The following CACNA1B variants were observed in gnomAD, a reference collection of about 807,000 sequenced individuals.
The protein encoded by CACNA1B is calcium voltage-gated channel subunit alpha1 B.
CACNA1B carries 70 observed loss-of-function variants against 247.2 expected under a neutral mutation model. The observed-to-expected ratio is 0.28, with a 90% CI of 0.23 to 0.35. The LOEUF (loss-of-function observed/expected upper bound fraction) is 0.35. Ranked by LOEUF, CACNA1B falls within the 10% of genes least tolerant of loss-of-function variation. The pLI is 1.00. For missense variants in CACNA1B, 2,367 were observed against 3,197.4 expected, an observed-to-expected ratio of 0.74 and a Z score of 6.26; for synonymous variants, 1,231 against 1,294.4, an observed-to-expected ratio of 0.95 and a Z score of 1.05.
intron 12 of CACNA1B, among the ~76,000 whole-genome samples, chr9:137,979,942 G>A (rs546672559): frequency 6.6e-6 from 1 of 152,338 alleles, no homozygotes; most frequent in African/African-American, 2.4e-5. Flanking sequence ...GGTCCATAGG[G>A]ATTCTGAAAT....
rs762768596 is a variant in CACNA1B at position 138,014,478 on chromosome 9, C to A, written c.2267+1243C>A. Among the ~76,000 whole-genome samples the A allele has an allele frequency of 5.9e-5, 9 of 152,088 alleles. No individual in the cohort carries two copies. The highest frequency in any genetic ancestry group is 1.2e-4 in the Non-Finnish European group (8 of 68,022). ...AACTTGGCAGCTGTGGACACGGTGGCCATCACGCAGAAGACTGCTGGGGGC... is the reference window on the plus strand; with the variant it reads ...AACTTGGCAGCTGTGGACACGGTGGACATCACGCAGAAGACTGCTGGGGGC... On this transcript the variant is annotated intron_variant, in intron 18 of 46. Coordinates refer to ENST00000371372, the MANE Select transcript of CACNA1B (RefSeq NM_000718.4). The surrounding 1 kb of genome is among the most constrained non-coding windows in gnomAD (Gnocchi z 6.2).
rs193262379 is a variant in CACNA1B, at chr9:138,057,386, C to T, written c.3969-346C>T. On this transcript the variant is annotated intron_variant, in intron 26 of 46. Coordinates refer to ENST00000371372, the MANE Select transcript of CACNA1B (RefSeq NM_000718.4). The surrounding 1 kb of genome is among the most constrained non-coding windows in gnomAD (Gnocchi z 4.0). Reference sequence around the variant, plus strand: ...GAGCACAGAAGTGTCCGATTTGATGCGGCCTGATTTATCTGTATTTTTTAT... The same window carrying T: ...GAGCACAGAAGTGTCCGATTTGATGTGGCCTGATTTATCTGTATTTTTTAT... Among the ~76,000 whole-genome samples the T allele has an allele frequency of 3.9e-5, 6 of 152,224 alleles. No individual in the cohort carries two copies. The highest frequency in any genetic ancestry group is 1.3e-4 in the Admixed American group (2 of 15,282).
rs1300304962 is a variant in CACNA1B at position 137,891,528 on chromosome 9, T to C, written c.530+8645T>C. Reference sequence around the variant, plus strand: ...ACAGGGGACCTGCATTCTGTGCAGATGCACCCACAGAGGTCACAGGGGTTC... The same window carrying C: ...ACAGGGGACCTGCATTCTGTGCAGACGCACCCACAGAGGTCACAGGGGTTC... On this transcript the variant is annotated intron_variant, in intron 3 of 46. Transcript: ENST00000371372. The surrounding 1 kb of genome is among the most constrained non-coding windows in gnomAD (Gnocchi z 4.3). 1 of 169,766 alleles carries C rather than the reference T, an allele frequency of 5.9e-6. No individual in the cohort carries two copies. Among genetic ancestry groups the C allele is most frequent in the Non-Finnish European group, 1.2e-5 (1 of 80,218 alleles). 10.5% of individuals were successfully genotyped at this position (169,766 alleles called of 1,614,324 possible).
intron 37 of CACNA1B, chr9:138,101,232 C>A (rs1216518822): frequency 3.9e-6 from 2 of 513,380 alleles, no homozygotes; most frequent in Non-Finnish European, 8.0e-6. Flanking sequence ...ATCCAACATA[C>A]TTCCCTGCCC....
chr9:137,984,466 C>G (rs1465192191), intron 13 of CACNA1B, among the ~76,000 whole-genome samples: 2 of 152,238 alleles, frequency 1.3e-5, no homozygotes, highest in East Asian at 3.8e-4. Context: ...TGCCGGCACA[C>G]CCTTTAGCTT....
At chr9:137,969,302 GT>G (rs1958117169) in intron 10 of CACNA1B, among the ~76,000 whole-genome samples, 1 of 152,242 alleles carries the variant, frequency 6.6e-6, no homozygotes, top group African/African-American at 2.4e-5. Context: ...TAAGGGCAAT[GT>G]CTGGGGAGTG....
rs200568143 is a variant in CACNA1B at position 138,122,729 on chromosome 9, T to C, written c.*730T>C. On this transcript the variant is annotated 3_prime_UTR_variant, in exon 47 of 47. Transcript: ENST00000371372. ...AGATGTCAGCTTTTTGCCACGTGTCTTTGTGGCTTATGCGAGGAGACTCCC... is the reference window on the plus strand; with the variant it reads ...AGATGTCAGCTTTTTGCCACGTGTCCTTGTGGCTTATGCGAGGAGACTCCC... 6.6e-6 allele frequency: 1 copy of C among 152,298 alleles called. No homozygotes were observed. Among genetic ancestry groups the C allele is most frequent in the Non-Finnish European group, 1.5e-5 (1 of 68,084 alleles). The allele number at this position is 152,298 out of a possible 1,614,324, so 9.4% of individuals were successfully genotyped here.
At chr9:138,087,713 C>CAAAAAAAAAAAAA (rs57138546) in intron 36 of CACNA1B, among the ~76,000 whole-genome samples, 1 of 35,458 alleles carries the variant, frequency 2.8e-5, no homozygotes, top group Non-Finnish European at 6.5e-5. Flanking sequence ...GACTCCGTCT[C>CAAAAAAAAAAAAA]AAAAAAAAAA....
rs193108727 is a variant in CACNA1B, at chr9:138,064,630, A to G, written c.4668+4893A>G. On this transcript the variant is annotated intron_variant, in intron 31 of 46. Coordinates refer to ENST00000371372, the MANE Select transcript of CACNA1B (RefSeq NM_000718.4). ...TTGGCAATGCCCCTTTGTCCTGCCA[A>G]TGCCATGGCTGATTAGCCACCACTG... Among the ~76,000 whole-genome samples, 513 of 152,324 alleles carry G rather than the reference A, an allele frequency of 3.4e-3. 5 individuals are homozygous for G. Among genetic ancestry groups the G allele is most frequent in the Admixed American group, 0.027 (412 of 15,308 alleles).
In CACNA1B at chr9:138,058,163, C is replaced by T. The variant is rs201003634; in HGVS notation, c.4221C>T (p.Phe1407=). The T allele has an allele frequency of 3.4e-5, 55 of 1,613,762 alleles. No individual in the cohort carries two copies. The African/African-American group carries it at 4.4e-4, about 13-fold the overall frequency. Residue 1407 remains phenylalanine (F), a synonymous_variant, in exon 28 of 47, where the codon TTC becomes TTT. Coordinates refer to ENST00000371372, the MANE Select transcript of CACNA1B (RefSeq NM_000718.4). This position sits in a 1 kb window ranked among gnomAD's most constrained non-coding sequence, Gnocchi z 4.7. ...VVYFVVFPFF[F]VNIFVALIII... is the part of the protein sequence containing the mutation. ...ACTTTGTGGTCTTTCCCTTCTTCTT[C>T]GTCAACATCTTTGTGGCTTTGATCA...
At chr9:137,922,685 A>T (rs1384968248) in intron 6 of CACNA1B, among the ~76,000 whole-genome samples, 1 of 152,212 alleles carries the variant, frequency 6.6e-6, no homozygotes, top group Non-Finnish European at 1.5e-5. Context: ...ATGGGCTTTT[A>T]AAAAATTAAA....
Position 137,891,625 on chromosome 9 carries a change from CCTT to C in CACNA1B, c.530+8745_530+8747del, listed in dbSNP as rs1588984787. 1 of 208,802 alleles carries C rather than the reference CCTT, an allele frequency of 4.8e-6. No homozygotes were observed. Among genetic ancestry groups the C allele is most frequent in the East Asian group, 1.4e-4 (1 of 7,084 alleles). The allele number at this position is 208,802 out of a possible 1,614,324, so 12.9% of individuals were successfully genotyped here. On this transcript the variant is annotated intron_variant, in intron 3 of 46. Coordinates refer to ENST00000371372, the MANE Select transcript of CACNA1B (RefSeq NM_000718.4). This position sits in a 1 kb window ranked among gnomAD's most constrained non-coding sequence, Gnocchi z 4.3. ...GGTGGTGGACACCCCTTCCTGCTCTCCTTCTCCTCCTTCACACTGGAGCGGCAG... is the reference window on the plus strand; with the variant it reads ...GGTGGTGGACACCCCTTCCTGCTCTCCTCCTCCTTCACACTGGAGCGGCAG...
In CACNA1B at chr9:137,897,871, G is replaced by T. The variant is rs900120158; in HGVS notation, c.530+14988G>T. ...ATTTTTGTATTTTTAGTAGAGATGG[G>T]GTTTCAAATGAAATTTTATTTACCC... On this transcript the variant is annotated intron_variant, in intron 3 of 46. Transcript: ENST00000371372. Among the ~76,000 whole-genome samples the T allele has an allele frequency of 2.6e-5, 4 of 151,392 alleles. No homozygotes were observed. In the South Asian group the frequency reaches 8.4e-4, roughly 32 times the overall value.
At chr9:138,015,038 G>T (rs540024308) in intron 18 of CACNA1B, among the ~76,000 whole-genome samples, 7 of 152,168 alleles carry the variant, frequency 4.6e-5, no homozygotes, top group Admixed American at 3.9e-4. Context: ...ATTCCTACGC[G>T]AGGAAAGAGC....
rs144260815 is a variant in CACNA1B, at chr9:138,072,828, C to G, written c.4675-660C>G. 4.8e-4 allele frequency among the ~76,000 whole-genome samples: 73 copies of G among 152,356 alleles called. No individual in the cohort carries two copies. In the East Asian group the frequency reaches 8.1e-3, roughly 17 times the overall value. On this transcript the variant is annotated intron_variant, in intron 32 of 46. Transcript: ENST00000371372. The surrounding 1 kb of genome is among the most constrained non-coding windows in gnomAD (Gnocchi z 4.5). Reference sequence around the variant, plus strand: ...GGATGAGGGAGCTCCACTAGACAGCCTGGGCTCTCTAGAGCAGAGGCCTGT... The same window carrying G: ...GGATGAGGGAGCTCCACTAGACAGCGTGGGCTCTCTAGAGCAGAGGCCTGT...
intron 3 of CACNA1B, among the ~76,000 whole-genome samples, chr9:137,887,191 A>G (rs780332460): frequency 6.6e-6 from 1 of 151,554 alleles, no homozygotes. Context: ...AGAGGACCCA[A>G]GGCTGTGCAC....
In CACNA1B at chr9:138,050,109, C is replaced by T. The variant is rs530642513; in HGVS notation, c.3710+794C>T. On this transcript the variant is annotated intron_variant, in intron 24 of 46. Transcript: ENST00000371372. This position sits in a 1 kb window ranked among gnomAD's most constrained non-coding sequence, Gnocchi z 5.2. Reference sequence around the variant, plus strand: ...GGGGTAATGCCTTCTCTCCCCCACACGCTGCCCCTGACATCACAGCATTCC... The same window carrying T: ...GGGGTAATGCCTTCTCTCCCCCACATGCTGCCCCTGACATCACAGCATTCC... 117 of 1,286,506 alleles carry T rather than the reference C, an allele frequency of 9.1e-5. No homozygotes were observed. The highest frequency in any genetic ancestry group is 3.3e-4 in the East Asian group (6 of 18,014). The allele number at this position is 1,286,506 out of a possible 1,614,324, so 79.7% of individuals were successfully genotyped here.
intron 18 of CACNA1B, among the ~76,000 whole-genome samples, chr9:138,022,151 T>G (rs1958853070): frequency 6.6e-6 from 1 of 152,214 alleles, no homozygotes; most frequent in Non-Finnish European, 1.5e-5. Flanking sequence ...GGGCCGAGCC[T>G]GGACCACTGG....
In CACNA1B at chr9:138,059,833, T is replaced by C. The variant is rs1229906289; in HGVS notation, c.4668+96T>C. 6.7e-6 allele frequency: 5 copies of C among 747,640 alleles called. No individual in the cohort carries two copies. The highest frequency in any genetic ancestry group is 1.2e-5 in the Non-Finnish European group (5 of 418,512). 46.3% of individuals were successfully genotyped at this position (747,640 alleles called of 1,614,324 possible). A position where few individuals can be genotyped will look rare whatever the true frequency, so the allele number is the denominator to read the frequency against. On this transcript the variant is annotated intron_variant, in intron 31 of 46. Transcript: ENST00000371372. The surrounding 1 kb of genome is among the most constrained non-coding windows in gnomAD (Gnocchi z 4.2). ...CATCTCCAGGCCCTGTGTTAGCCTC[T>C]TCCTGGGTTCCGCAGAACCCCCTGG...
Sources: gnomAD v4.1 joint callset for allele counts (sites outside exome capture counted in the v4.1 genomes callset) on GRCh38, gnomAD v4.1.1 for gene constraint, Gnocchi (gnomAD v3.1) non-coding constraint, MANE v1.5 for transcripts, NCBI Gene and HGNC (gene_info 2026-07-23, HGNC 2026-07-21) for gene names.